Variants in BMERB1 observed in about 807,000 individuals in gnomAD.
BMERB1 encodes the protein bMERB domain containing 1, also known as bMERB domain-containing protein 1.
In BMERB1, 12 loss-of-function variants were observed where a neutral mutation model predicts 23.6. The observed-to-expected ratio is 0.51, with a 90% confidence interval of 0.33 to 0.82. BMERB1 has a LOEUF of 0.82. BMERB1 is among the 40% of genes least tolerant of loss of function. The pLI is 0.03. For missense variants in BMERB1, 247 were observed against 255.4 expected, an observed-to-expected ratio of 0.97 and a Z score of 0.22; for synonymous variants, 122 against 96.6, an observed-to-expected ratio of 1.26 and a Z score of -1.54.
At chr16:15,460,095 T>C (rs1470557910) in intron 1 of BMERB1, among the ~76,000 whole-genome samples, 1 of 152,188 alleles carries the variant, frequency 6.6e-6, no homozygotes, top group Non-Finnish European at 1.5e-5. Context: ...CATCTTCTGA[T>C]GTGACAGGAA....
intron 3 of BMERB1, among the ~76,000 whole-genome samples, chr16:15,578,566 C>A (rs2030930051): frequency 6.6e-6 from 1 of 151,992 alleles, no homozygotes; most frequent in Non-Finnish European, 1.5e-5. Context: ...TTGGGGGTGC[C>A]TTAGTCTCTG....
At chr16:15,497,205 G>C (rs531806386) in intron 1 of BMERB1, among the ~76,000 whole-genome samples, 4 of 152,092 alleles carry the variant, frequency 2.6e-5, no homozygotes, top group Admixed American at 6.5e-5. Flanking sequence ...TGCAGCCAAG[G>C]AGCCAGTAAC....
intron 1 of BMERB1, among the ~76,000 whole-genome samples, chr16:15,442,950 A>G (rs1259540833): frequency 1.3e-5 from 2 of 152,144 alleles, no homozygotes; most frequent in East Asian, 1.9e-4. Context: ...AGACACAGCC[A>G]TAAAGAACAC....
chr16:15,565,853 C>A (rs1411059816), intron 2 of BMERB1, among the ~76,000 whole-genome samples: 1 of 152,158 alleles, frequency 6.6e-6, no homozygotes, highest in East Asian at 1.9e-4. Context: ...TCTCAAAAAA[C>A]AAAACAAGAA....
intron 3 of BMERB1, among the ~76,000 whole-genome samples, chr16:15,572,080 G>A (rs1262962979): frequency 6.6e-6 from 1 of 152,182 alleles, no homozygotes; most frequent in Non-Finnish European, 1.5e-5. Context: ...ACACTTTGCA[G>A]CTTACAGCTC....
At chr16:15,517,586 TAAA>T (rs199511729) in intron 2 of BMERB1, among the ~76,000 whole-genome samples, 1 of 149,028 alleles carries the variant, frequency 6.7e-6, no homozygotes, top group Non-Finnish European at 1.5e-5. Context: ...TCCCTTTGTT[TAAA>T]AAAAAAACTA....
intron 1 of BMERB1, among the ~76,000 whole-genome samples, chr16:15,510,880 T>G (rs989057996): frequency 1.1e-4 from 16 of 152,088 alleles, no homozygotes; most frequent in African/African-American, 3.9e-4. Context: ...TTTTGTATTT[T>G]TAGTAGAGAC....
intron 1 of BMERB1, among the ~76,000 whole-genome samples, chr16:15,444,129 T>TTTTTTTTTTTTG (rs1567447909): frequency 7.5e-5 from 8 of 106,452 alleles, no homozygotes; most frequent in African/African-American, 3.0e-4. Flanking sequence ...CTTTGTTTTT[T>TTTTTTTTTTTTG]TTTTTTTTTT....
chr16:15,500,346 G>A (rs153788), intron 1 of BMERB1, among the ~76,000 whole-genome samples: 39,335 of 152,076 alleles, frequency 0.26, 6,429 homozygotes, highest in East Asian at 0.54. Context: ...AGGGTCTCGT[G>A]TGACCTGTGG....
intron 2 of BMERB1, among the ~76,000 whole-genome samples, chr16:15,529,747 G>A (rs2051948813): frequency 6.6e-6 from 1 of 152,120 alleles, no homozygotes; most frequent in Non-Finnish European, 1.5e-5. Context: ...TCCCTTCCAT[G>A]TGGCAGGTCT....
chr16:15,496,716 T>G (rs2051476784), intron 1 of BMERB1, among the ~76,000 whole-genome samples: 1 of 152,080 alleles, frequency 6.6e-6, no homozygotes, highest in Non-Finnish European at 1.5e-5. Flanking sequence ...TTTTTTTTAT[T>G]TTTAGTAGAG....
intron 2 of BMERB1, among the ~76,000 whole-genome samples, chr16:15,541,470 C>T (rs1011811699): frequency 6.1e-5 from 9 of 147,546 alleles, no homozygotes; most frequent in African/African-American, 1.3e-4. Context: ...CTCTGTCACC[C>T]AGGCTGGAGT....
At chr16:15,515,501 G>A (rs532733792) in intron 2 of BMERB1, 73 bp downstream of exon 2, 47 of 1,538,228 alleles carry the variant, frequency 3.1e-5, no homozygotes, top group Non-Finnish European at 3.6e-5. Flanking sequence ...TTTGTTGATC[G>A]TCTACTGTGT....
intron 2 of BMERB1, among the ~76,000 whole-genome samples, chr16:15,517,855 GTGTGTGTGGA>G (rs1024259649): frequency 1.3e-4 from 11 of 85,546 alleles, no homozygotes; most frequent in Non-Finnish European, 2.7e-4. Flanking sequence ...TTGTGGATGT[GTGTGTGTGGA>G]TGTGTGTGGG....
intron 1 of BMERB1, among the ~76,000 whole-genome samples, chr16:15,497,688 A>G (rs1213512761): frequency 2.0e-5 from 3 of 152,132 alleles, no homozygotes; most frequent in Non-Finnish European, 2.9e-5. Flanking sequence ...GCCTTGTATC[A>G]TCAGTTGTTA....
rs1187070519 is a variant in BMERB1 at position 15,549,293 on chromosome 16, C to T, written c.231-18690C>T. 3.6e-5 allele frequency among the ~76,000 whole-genome samples: 5 copies of T among 139,416 alleles called. No homozygotes were observed. In the East Asian group the frequency reaches 1.1e-3, roughly 30 times the overall value. The allele number at this position is 139,416 out of a possible 152,430, so 91.5% of individuals were successfully genotyped here. A position where few individuals can be genotyped will look rare whatever the true frequency, so the allele number is the denominator to read the frequency against. On this transcript the variant is annotated intron_variant, in intron 2 of 5. Transcript: ENST00000300006. Reference sequence around the variant, plus strand: ...GGTGGAGGTTGCAGTAAGCCCAGATCAAGATCACACCACTGCATTCCAGCC... The same window carrying T: ...GGTGGAGGTTGCAGTAAGCCCAGATTAAGATCACACCACTGCATTCCAGCC...
At chr16:15,515,498 A>T in intron 2 of BMERB1, 70 bp downstream of exon 2, 1 of 1,550,548 alleles carries the variant, frequency 6.4e-7, no homozygotes, top group Non-Finnish European at 8.7e-7. Context: ...ATATTTGTTG[A>T]TCGTCTACTG....
At chr16:15,506,996 G>T (rs946275841) in intron 1 of BMERB1, among the ~76,000 whole-genome samples, 1 of 152,172 alleles carries the variant, frequency 6.6e-6, no homozygotes, top group African/African-American at 2.4e-5. Context: ...AGAAAGAGAG[G>T]TTGATATGAG....
chr16:15,573,000 C>T (rs1453035778), intron 3 of BMERB1, among the ~76,000 whole-genome samples: 5 of 152,144 alleles, frequency 3.3e-5, no homozygotes, highest in Non-Finnish European at 4.4e-5. Flanking sequence ...TCCCCAGCCA[C>T]GTGGAACTGT....
Sources: gnomAD v4.1 joint callset for allele counts (sites outside exome capture counted in the v4.1 genomes callset) on GRCh38, gnomAD v4.1.1 for gene constraint, MANE v1.5 for transcripts, NCBI Gene and HGNC (gene_info 2026-07-23, HGNC 2026-07-21) for gene names.